The following RBFOX1 variants were observed in gnomAD, a reference collection of about 807,000 sequenced individuals.
RBFOX1 encodes RNA binding protein fox-1 homolog 1.
In RBFOX1, 8 loss-of-function variants were observed where a neutral mutation model predicts 57.7. That is an observed-to-expected ratio of 0.14 (90% CI 0.08 to 0.25). The LOEUF is 0.25. Among genes scored for constraint, RBFOX1 ranks in the 10% least tolerant of loss-of-function variants. The probability of loss-of-function intolerance (pLI) is 1.00; values close to 1 mark genes in which losing one functional copy is unlikely to be tolerated. For synonymous variants in RBFOX1, 326 were observed against 222.4 expected, an observed-to-expected ratio of 1.47 and a Z score of -4.15; for missense variants, 611 against 548.5, an observed-to-expected ratio of 1.11 and a Z score of -1.14.
rs897857492 is a variant in RBFOX1 at position 6,921,767 on chromosome 16, G to A, written c.-15-130290G>A. ...TATGTATGTGTGTGTGTATATATAT[G>A]AAGATGTATGTTGTATATGCACACA... On this transcript the variant is annotated intron_variant, in intron 3 of 15. Transcript: ENST00000550418. Among the ~76,000 whole-genome samples the A allele has an allele frequency of 1.3e-5, 2 of 149,058 alleles. 1 individual carries two copies. The highest frequency in any genetic ancestry group is 6.5e-3 in the Middle Eastern group (2 of 310).
chr16:6,443,351 C>T (rs2094424467), intron 2 of RBFOX1, among the ~76,000 whole-genome samples: 2 of 152,054 alleles, frequency 1.3e-5, no homozygotes, highest in South Asian at 2.1e-4. Flanking sequence ...AACTAAAATG[C>T]CCCTTGTTTT....
In RBFOX1 at chr16:5,362,504, A is replaced by G. The variant is rs1408221578; in HGVS notation, c.220-104712A>G. Among the ~76,000 whole-genome samples, 3 of 152,318 alleles carry G rather than the reference A, an allele frequency of 2.0e-5. No individual in the cohort carries two copies. The East Asian group carries it at 5.8e-4, about 29-fold the overall frequency. ...CAGTCTCCCGAGTAGCTGGGATTAC[A>G]GGCATGCGCCAACACGCTTGGCTAA... On this transcript the variant is annotated intron_variant, in intron 1 of 2. Transcript: ENST00000585867.
At chr16:7,565,898 G>C (rs147825449) in intron 5 of RBFOX1, among the ~76,000 whole-genome samples, 35 of 152,184 alleles carry the variant, frequency 2.3e-4, no homozygotes, top group African/African-American at 8.4e-4. Flanking sequence ...GTCGTGTCTT[G>C]GGTGCTGGGT....
chr16:7,666,178 T>C (rs1597619318), intron 13 of RBFOX1, among the ~76,000 whole-genome samples: 1 of 152,116 alleles, frequency 6.6e-6, no homozygotes, highest in South Asian at 2.1e-4. Flanking sequence ...CCCATTCATT[T>C]CCTCAGGCAC....
intron 4 of RBFOX1, among the ~76,000 whole-genome samples, chr16:7,333,848 A>C (rs567326341): frequency 3.9e-4 from 60 of 152,272 alleles, no homozygotes; most frequent in African/African-American, 1.3e-3. Flanking sequence ...TCTCCGTTGA[A>C]AGCTAACATC....
At chr16:5,402,112 C>A (rs568662703) in intron 1 of RBFOX1, among the ~76,000 whole-genome samples, 1 of 151,894 alleles carries the variant, frequency 6.6e-6, no homozygotes, top group Admixed American at 6.5e-5. Context: ...TTACCAGTCC[C>A]AGGCTTCAGA....
intron 4 of RBFOX1, among the ~76,000 whole-genome samples, chr16:7,189,418 T>C (rs1255671650): frequency 1.2e-4 from 9 of 72,486 alleles, no homozygotes; most frequent in African/African-American, 2.3e-4. Flanking sequence ...AGAGCGAGAC[T>C]CCCTCTCAAA....
intron 3 of RBFOX1, among the ~76,000 whole-genome samples, chr16:6,852,924 C>T (rs1356837739): frequency 6.6e-6 from 1 of 152,162 alleles, no homozygotes; most frequent in East Asian, 1.9e-4. Flanking sequence ...AACTAGCTGT[C>T]CATGCAAGGA....
At chr16:6,505,092 A>G (rs80199017) in intron 2 of RBFOX1, among the ~76,000 whole-genome samples, 14,874 of 152,134 alleles carry the variant, frequency 0.098, 853 homozygotes, top group African/African-American at 0.14. Flanking sequence ...ATAAATAAAA[A>G]TTAGAAAAAT....
At chr16:6,418,130 G>T (rs112887949) in intron 2 of RBFOX1, among the ~76,000 whole-genome samples, 40 of 152,316 alleles carry the variant, frequency 2.6e-4, no homozygotes, top group Non-Finnish European at 5.3e-4. Flanking sequence ...GGACTTACTG[G>T]GGAGTGTCAT....
At chr16:6,484,260 C>T (rs1277793422) in intron 2 of RBFOX1, among the ~76,000 whole-genome samples, 2 of 152,070 alleles carry the variant, frequency 1.3e-5, no homozygotes, top group Non-Finnish European at 2.9e-5. Context: ...TGTGCATTTG[C>T]GAAGTTGGCA....
chr16:6,817,214 A>G (rs2090274948), intron 3 of RBFOX1, among the ~76,000 whole-genome samples: 1 of 152,080 alleles, frequency 6.6e-6, no homozygotes, highest in Non-Finnish European at 1.5e-5. Context: ...GGTGCAAGGA[A>G]CTTTGTTGCA....
intron 4 of RBFOX1, among the ~76,000 whole-genome samples, chr16:5,959,442 T>G (rs1567192852): frequency 6.6e-6 from 1 of 152,196 alleles, no homozygotes; most frequent in Non-Finnish European, 1.5e-5. Context: ...TGACCTAGCA[T>G]CCATTCTTGC....
At chr16:5,518,839 G>T (rs965058442) in intron 2 of RBFOX1, among the ~76,000 whole-genome samples, 8 of 152,198 alleles carry the variant, frequency 5.3e-5, no homozygotes, top group African/African-American at 1.9e-4. Flanking sequence ...TGGCTGTTAT[G>T]AGTTGAACCG....
chr16:7,499,405 G>A (rs1040519430), intron 4 of RBFOX1, among the ~76,000 whole-genome samples: 1 of 152,132 alleles, frequency 6.6e-6, no homozygotes, highest in Admixed American at 6.5e-5. Flanking sequence ...TACATCTGCA[G>A]TGACCCCATT....
At chr16:6,098,061 A>G (rs2096265760) in intron 1 of RBFOX1, among the ~76,000 whole-genome samples, 1 of 152,156 alleles carries the variant, frequency 6.6e-6, no homozygotes, top group Non-Finnish European at 1.5e-5. Context: ...GCTATTTTTC[A>G]AAGGCAAGAG....
At chr16:5,564,150 T>C (rs936477455) in intron 2 of RBFOX1, among the ~76,000 whole-genome samples, 7 of 152,110 alleles carry the variant, frequency 4.6e-5, no homozygotes, top group African/African-American at 7.2e-5. Context: ...ATAGCTGAGA[T>C]TATGGTCCGC....
intron 4 of RBFOX1, among the ~76,000 whole-genome samples, chr16:7,517,922 C>G (rs571788692): frequency 6.6e-6 from 1 of 151,878 alleles, no homozygotes; most frequent in African/African-American, 2.4e-5. Context: ...TTTATCTTTC[C>G]AAGCCTCGGT....
intron 3 of RBFOX1, among the ~76,000 whole-genome samples, chr16:6,812,211 C>T (rs186788821): frequency 5.3e-5 from 8 of 152,306 alleles, no homozygotes; most frequent in South Asian, 4.1e-4. Context: ...GAATGAATAT[C>T]TGTGAATATT....
Sources: gnomAD v4.1 joint callset for allele counts (sites outside exome capture counted in the v4.1 genomes callset) on GRCh38, gnomAD v4.1.1 for gene constraint, MANE v1.5 for transcripts, NCBI Gene and HGNC (gene_info 2026-07-23, HGNC 2026-07-21) for gene names.